Variants in TTC29 observed in about 807,000 individuals in gnomAD.
TTC29 encodes the protein tetratricopeptide repeat domain 29.
In TTC29, 49 loss-of-function variants were observed where a neutral mutation model predicts 58.1. The observed-to-expected ratio is 0.84, with a 90% CI of 0.67 to 1.07. The LOEUF is 1.07. Among genes scored for constraint, TTC29 ranks in the 50% least tolerant of loss-of-function variants. TTC29 has a pLI of 0.00. For missense variants in TTC29, 582 were observed against 555.6 expected, an observed-to-expected ratio of 1.05 and a Z score of -0.48; for synonymous variants, 209 against 196.8, an observed-to-expected ratio of 1.06 and a Z score of -0.52.
chr4:146,836,411 G>T (rs1728512907), intron 8 of TTC29, among the ~76,000 whole-genome samples: 1 of 152,086 alleles, frequency 6.6e-6, no homozygotes, highest in African/African-American at 2.4e-5. Context: ...TTGCAAAGGA[G>T]CTGCTCTAAA....
At chr4:146,762,421 C>G (rs1746984434) in intron 11 of TTC29, among the ~76,000 whole-genome samples, 1 of 148,600 alleles carries the variant, frequency 6.7e-6, no homozygotes, top group South Asian at 2.1e-4. Flanking sequence ...GGCTGGCTAT[C>G]TCTTACTGAG....
At chr4:146,854,673 C>G (rs1579835880) in intron 8 of TTC29, among the ~76,000 whole-genome samples, 1 of 152,246 alleles carries the variant, frequency 6.6e-6, no homozygotes. Flanking sequence ...CAGGAAATCA[C>G]ATACAGAATT....
chr4:146,755,121 A>T (rs1231371238), intron 11 of TTC29, among the ~76,000 whole-genome samples: 1 of 152,138 alleles, frequency 6.6e-6, no homozygotes, highest in Non-Finnish European at 1.5e-5. Context: ...TAAATTTTTA[A>T]AAGTCCCATT....
intron 11 of TTC29, among the ~76,000 whole-genome samples, chr4:146,768,709 T>C (rs1232624139): frequency 1.3e-5 from 2 of 151,988 alleles, no homozygotes; most frequent in Non-Finnish European, 2.9e-5. Context: ...TGGAGACGAA[T>C]AGGAGCAATA....
At chr4:146,908,792 T>C (rs1733695759) in intron 5 of TTC29, among the ~76,000 whole-genome samples, 1 of 152,268 alleles carries the variant, frequency 6.6e-6, no homozygotes. Flanking sequence ...TATTAGGTGC[T>C]ATGTGTTGTC....
intron 11 of TTC29, among the ~76,000 whole-genome samples, chr4:146,712,145 C>T (rs1742543888): frequency 6.6e-6 from 1 of 151,548 alleles, no homozygotes; most frequent in East Asian, 1.9e-4. Context: ...TTTTATAAAC[C>T]CAGAATCCCA....
rs1239873682 is a variant in TTC29 at position 146,715,854 on chromosome 4, A to T, written c.1331-8303T>A. 2.6e-5 allele frequency among the ~76,000 whole-genome samples: 4 copies of T among 152,330 alleles called. No homozygotes were observed. The East Asian group carries it at 7.7e-4, about 29-fold the overall frequency. The stretch of plus-strand genomic sequence containing the variant: ...GATTTGATCATTACACATTGTAAAC[A>T]CGTATCAAAATATCATCCTGTATTC... On this transcript the variant is annotated intron_variant, in intron 11 of 12. Coordinates refer to ENST00000325106, the MANE Select transcript of TTC29 (RefSeq NM_031956.4).
At chr4:146,834,021 T>C (rs1728347543) in intron 8 of TTC29, 124 bp from the exon 9 acceptor site, 2 of 575,980 alleles carry the variant, frequency 3.5e-6, no homozygotes, top group Non-Finnish European at 5.7e-6. Flanking sequence ...ATTTTGTTGA[T>C]TAAAAATTCA....
intron 11 of TTC29, among the ~76,000 whole-genome samples, chr4:146,780,302 GGTGTGTGTGTGTGTGTGTGTGTGT>G (rs57951745): frequency 4.3e-5 from 6 of 138,456 alleles, no homozygotes; most frequent in African/African-American, 1.6e-4. Flanking sequence ...CCTAACTTGG[GGTGTGTGTGTGTGTGTGTGTGTGT>G]GTGTGTGTGT....
At chr4:146,923,145 A>G (rs1734703075) in intron 4 of TTC29, among the ~76,000 whole-genome samples, 1 of 151,916 alleles carries the variant, frequency 6.6e-6, no homozygotes, top group Non-Finnish European at 1.5e-5. Context: ...GGGCCCAGAA[A>G]GACTGCAGAG....
chr4:146,893,054 T>G (rs185247810), intron 6 of TTC29, among the ~76,000 whole-genome samples: 1 of 152,258 alleles, frequency 6.6e-6, no homozygotes, highest in East Asian at 1.9e-4. Context: ...TGGAAGAACA[T>G]TCCATGCTCA....
intron 11 of TTC29, among the ~76,000 whole-genome samples, chr4:146,731,583 C>T (rs1744338246): frequency 6.6e-6 from 1 of 151,942 alleles, no homozygotes; most frequent in East Asian, 1.9e-4. Context: ...GTTTAAGCTG[C>T]TAAAAAAAAG....
intron 11 of TTC29, among the ~76,000 whole-genome samples, chr4:146,778,041 G>C (rs1448728270): frequency 6.6e-6 from 1 of 152,108 alleles, no homozygotes; most frequent in Non-Finnish European, 1.5e-5. Flanking sequence ...GTCAAGTGTT[G>C]GCCACAATGA....
At chr4:146,761,711 T>C (rs1746918519) in intron 11 of TTC29, among the ~76,000 whole-genome samples, 1 of 151,018 alleles carries the variant, frequency 6.6e-6, no homozygotes, top group Non-Finnish European at 1.5e-5. Context: ...TTGCTCCCTT[T>C]TACTTACTCT....
intron 8 of TTC29, among the ~76,000 whole-genome samples, chr4:146,840,037 A>G (rs1419334264): frequency 6.6e-6 from 1 of 152,102 alleles, no homozygotes; most frequent in Non-Finnish European, 1.5e-5. Context: ...AAAGTGCAGT[A>G]AGATAATTCA....
chr4:146,844,373 C>T (rs758445532), intron 8 of TTC29, among the ~76,000 whole-genome samples: 1 of 152,022 alleles, frequency 6.6e-6, no homozygotes, highest in Admixed American at 6.6e-5. Flanking sequence ...TTTTGTATTA[C>T]CTTAACAAGA....
intron 11 of TTC29, among the ~76,000 whole-genome samples, chr4:146,791,711 G>T (rs935939645): frequency 1.3e-5 from 2 of 152,172 alleles, no homozygotes; most frequent in African/African-American, 4.8e-5. Context: ...GCTGAGATAG[G>T]TAAACGCTAG....
At position 146,707,227 on chromosome 4, in the gene TTC29, G is replaced by A. The variant is rs1742019872; in HGVS notation, c.1398-39C>T. 3.1e-6 allele frequency: 4 copies of A among 1,310,226 alleles called. No homozygotes were observed. The East Asian group carries it at 1.0e-4, about 34-fold the overall frequency. The allele number at this position is 1,310,226 out of a possible 1,614,324, so 81.2% of individuals were successfully genotyped here. On this transcript the variant is annotated intron_variant, in intron 12 of 12. Coordinates refer to ENST00000325106, the MANE Select transcript of TTC29 (RefSeq NM_031956.4). Reference sequence around the variant, plus strand: ...AATTATAAATTTAACTTTTATACTGGGCTAGAAAGCAAAGAACATTTGTTT... The same window carrying A: ...AATTATAAATTTAACTTTTATACTGAGCTAGAAAGCAAAGAACATTTGTTT...
intron 4 of TTC29, among the ~76,000 whole-genome samples, chr4:146,936,316 A>T (rs1735813666): frequency 6.6e-6 from 1 of 152,098 alleles, no homozygotes; most frequent in Non-Finnish European, 1.5e-5. Flanking sequence ...TAGTATATGG[A>T]CTTCTAGTTT....
Sources: gnomAD v4.1 joint callset for allele counts (sites outside exome capture counted in the v4.1 genomes callset) on GRCh38, gnomAD v4.1.1 for gene constraint, MANE v1.5 for transcripts, NCBI Gene and HGNC (gene_info 2026-07-23, HGNC 2026-07-21) for gene names.